Variants in AMZ1 observed in about 807,000 individuals in gnomAD.
AMZ1 encodes archaemetzincin-1.
In AMZ1, 39 loss-of-function variants were observed where a neutral mutation model predicts 29.9. The observed-to-expected ratio is 1.30, with a 90% CI of 1.01 to 1.70. AMZ1 has a LOEUF of 1.70. AMZ1 is among the 40% of genes most tolerant of loss of function. AMZ1 has a pLI of 0.00. For missense variants in AMZ1, 1,041 were observed against 680.6 expected, an observed-to-expected ratio of 1.53 and a Z score of -5.89; for synonymous variants, 458 against 304.0, an observed-to-expected ratio of 1.51 and a Z score of -5.27.
At chr7:2,704,687 C>A (rs1788250157) in intron 3 of AMZ1, among the ~76,000 whole-genome samples, 1 of 150,134 alleles carries the variant, frequency 6.7e-6, no homozygotes, top group Non-Finnish European at 1.5e-5. Flanking sequence ...AGCTCCGCCT[C>A]CTGGGTTCAT....
chr7:2,736,662 G>A (rs906994212), intron 4 of AMZ1, among the ~76,000 whole-genome samples: 3 of 152,202 alleles, frequency 2.0e-5, no homozygotes, highest in Non-Finnish European at 4.4e-5. Context: ...TGAGGAGACC[G>A]CCTTTCTGCA....
At chr7:2,679,616 T>A (rs1417238981) in exon 1 of AMZ1, 1 of 152,228 alleles carries the variant, frequency 6.6e-6, no homozygotes, top group Non-Finnish European at 1.5e-5. Context: ...CCGGCAGAGG[T>A]GGCCACTGCC....
chr7:2,738,451 G>C (rs1455598821), intron 4 of AMZ1, among the ~76,000 whole-genome samples: 1 of 152,202 alleles, frequency 6.6e-6, no homozygotes, highest in Non-Finnish European at 1.5e-5. Context: ...TCCGTGGCTG[G>C]AAGGAGGTTT....
rs114014577 is a variant in AMZ1 at position 2,711,621 on chromosome 7, A to G, written c.949-709A>G. 7.0e-3 allele frequency among the ~76,000 whole-genome samples: 1,070 copies of G among 152,264 alleles called. 14 individuals are homozygous for G. Among genetic ancestry groups the G allele is most frequent in the African/African-American group, 0.024 (1,002 of 41,548 alleles). ...TTTTTTTCCCCCTGGTGGTCTCACT[A>G]TGTTGCCCAGGCTGGTCTTGAACTC... On this transcript the variant is annotated intron_variant, in intron 6 of 6. Coordinates refer to ENST00000683327, the MANE Select transcript of AMZ1 (RefSeq NM_001384743.1).
At chr7:2,709,840 CG>C in intron 6 of AMZ1, 24 bp downstream of exon 6, 1 of 1,608,642 alleles carries the variant, frequency 6.2e-7, no homozygotes, top group South Asian at 1.1e-5. Flanking sequence ...TTGCGCTGCC[CG>C]GCTGCTGGGA....
downstream of AMZ1, among the ~76,000 whole-genome samples, chr7:2,723,446 C>T (rs527623143): frequency 5.3e-4 from 80 of 152,368 alleles, no homozygotes; most frequent in Middle Eastern, 3.4e-3. Context: ...CAAGTGTCCT[C>T]GGCCTAGTTT....
chr7:2,681,373 G>A (rs1786878042), intron 1 of AMZ1, among the ~76,000 whole-genome samples: 1 of 151,802 alleles, frequency 6.6e-6, no homozygotes, highest in Non-Finnish European at 1.5e-5. Context: ...ACGCCCTCAG[G>A]TGATCCTCCC....
At chr7:2,720,700 C>CT (rs202232540), downstream of AMZ1, among the ~76,000 whole-genome samples, 1,526 of 150,978 alleles carry the variant, frequency 0.01, 12 homozygotes, top group Non-Finnish European at 0.016. Flanking sequence ...TGCGCCCAGC[C>CT]TTTAAAAAAA....
rs756176562 is a variant in AMZ1 at position 2,701,482 on chromosome 7, CTG to C, written c.304+731_304+732del. Among the ~76,000 whole-genome samples the C allele has an allele frequency of 3.3e-3, 506 of 152,268 alleles. 5 individuals are homozygous for C. The highest frequency in any genetic ancestry group is 0.012 in the African/African-American group (486 of 41,544). ...CAGAGTGGTCACTGTCCTCAGAGCT[CTG>C]TGTCTGGCAGAGTCTGGGGGACCCA... On this transcript the variant is annotated intron_variant, in intron 2 of 6. Transcript: ENST00000683327.
chr7:2,748,238 C>G (rs1790862778), intron 4 of AMZ1, among the ~76,000 whole-genome samples: 1 of 151,766 alleles, frequency 6.6e-6, no homozygotes, highest in South Asian at 2.1e-4. Context: ...CTGGAGGCAT[C>G]ACGCTACCTG....
chr7:2,689,395 T>C (rs1471572094), intron 1 of AMZ1, among the ~76,000 whole-genome samples: 1 of 151,992 alleles, frequency 6.6e-6, no homozygotes, highest in Non-Finnish European at 1.5e-5. Context: ...GACGTGCTCT[T>C]TTCCAGTCTT....
chr7:2,745,033 C>A (rs1000712294), intron 4 of AMZ1, among the ~76,000 whole-genome samples: 1 of 152,212 alleles, frequency 6.6e-6, no homozygotes, highest in Non-Finnish European at 1.5e-5. Flanking sequence ...AAGACCAAAT[C>A]TACATCTGAT....
chr7:2,688,955 G>A (rs1443239575), intron 1 of AMZ1, among the ~76,000 whole-genome samples: 1 of 152,250 alleles, frequency 6.6e-6, no homozygotes, highest in Non-Finnish European at 1.5e-5. Flanking sequence ...CCCCATCACG[G>A]GAGGGAAACA....
chr7:2,709,840 C>A (rs200458814), intron 6 of AMZ1, 24 bp downstream of exon 6: 9 of 1,608,642 alleles, frequency 5.6e-6, no homozygotes, highest in Middle Eastern at 3.8e-4. Flanking sequence ...TTGCGCTGCC[C>A]GGCTGCTGGG....
At chr7:2,699,094 C>T (rs764764786) in intron 1 of AMZ1, among the ~76,000 whole-genome samples, 13 of 152,138 alleles carry the variant, frequency 8.5e-5, no homozygotes, top group Non-Finnish European at 1.5e-4. Flanking sequence ...GTTTCTGGTT[C>T]GTTTCTAGCC....
intron 4 of AMZ1, among the ~76,000 whole-genome samples, chr7:2,758,455 C>T (rs749400409): frequency 3.9e-5 from 6 of 152,308 alleles, no homozygotes; most frequent in East Asian, 1.9e-4. Context: ...GGTTCTAAGA[C>T]GAGCCTCAAT....
At chr7:2,750,308 T>TG (rs1313568873) in intron 4 of AMZ1, among the ~76,000 whole-genome samples, 1 of 152,122 alleles carries the variant, frequency 6.6e-6, no homozygotes, top group Non-Finnish European at 1.5e-5. Context: ...GACAGGCAAA[T>TG]GCAGAGAATC....
chr7:2,702,718 C>T lies in AMZ1; in HGVS notation c.305-4C>T. 1 of 1,531,696 alleles carries T rather than the reference C, an allele frequency of 6.5e-7. No individual in the cohort carries two copies. The highest frequency in any genetic ancestry group is 8.8e-7 in the Non-Finnish European group (1 of 1,141,496). The allele number at this position is 1,531,696 out of a possible 1,614,324, so 94.9% of individuals were successfully genotyped here. On this transcript the variant is annotated splice_region_variant and splice_polypyrimidine_tract_variant and intron_variant, in intron 2 of 6. Coordinates refer to ENST00000683327, the MANE Select transcript of AMZ1 (RefSeq NM_001384743.1). ...CAGGGCTGACGGTGCTGCTCTCCCA[C>T]CAGACCTGAGCGAGGAGCCGGTGGG...
chr7:2,726,108 G>C (rs556924076), intron 4 of AMZ1, among the ~76,000 whole-genome samples: 4 of 152,376 alleles, frequency 2.6e-5, no homozygotes, highest in South Asian at 2.1e-4. Context: ...ATTTCGGAAA[G>C]AGACTGCTAA....
Sources: allele counts gnomAD v4.1 joint callset (sites outside exome capture counted in the v4.1 genomes callset), GRCh38; gene constraint gnomAD v4.1.1; transcripts MANE v1.5; gene names NCBI Gene and HGNC (gene_info 2026-07-23, HGNC 2026-07-21).